The following NBPF15 variants were observed in gnomAD, a reference collection of about 807,000 sequenced individuals.
NBPF15 encodes NBPF family member NBPF15.
NBPF15 carries 74 observed loss-of-function variants against 62.2 expected under a neutral mutation model. That is an observed-to-expected ratio of 1.19 (90% CI 0.99 to 1.44). The LOEUF (loss-of-function observed/expected upper bound fraction) is 1.44, where lower values mean the gene tolerates loss of function less well. NBPF15 is among the 40% of genes most tolerant of loss of function. NBPF15 has a pLI of 0.00. For missense variants in NBPF15, 790 were observed against 550.0 expected, an observed-to-expected ratio of 1.44 and a Z score of -4.36; for synonymous variants, 244 against 209.7, an observed-to-expected ratio of 1.16 and a Z score of -1.41.
At chr1:144,428,984 T>A (rs1672156295) in intron 14 of NBPF15, among the ~76,000 whole-genome samples, 1 of 152,024 alleles carries the variant, frequency 6.6e-6, no homozygotes, top group Non-Finnish European at 1.5e-5. Flanking sequence ...GATACTTCAA[T>A]ATTAAGCTTT....
chr1:144,432,364 G>A (rs1168403661), intron 13 of NBPF15, among the ~76,000 whole-genome samples: 1 of 151,928 alleles, frequency 6.6e-6, no homozygotes, highest in African/African-American at 2.4e-5. Context: ...ATGCCAAACT[G>A]TAAAGACCAT....
intron 6 of NBPF15, among the ~76,000 whole-genome samples, chr1:144,440,776 C>T (rs868926023): frequency 0.027 from 4,082 of 150,622 alleles, 120 homozygotes; most frequent in Middle Eastern, 0.062. Flanking sequence ...CCTCAGACTC[C>T]CAAGTAGTTG....
At chr1:144,445,352 T>TAC (rs1377649662) in intron 6 of NBPF15, among the ~76,000 whole-genome samples, 47 of 115,148 alleles carry the variant, frequency 4.1e-4, no homozygotes, top group Middle Eastern at 4.9e-3. Context: ...TATATATATA[T>TAC]ATACACACAC....
At chr1:144,449,766 G>A (rs587741552) in intron 5 of NBPF15, among the ~76,000 whole-genome samples, 1 of 151,448 alleles carries the variant, frequency 6.6e-6, no homozygotes, top group Non-Finnish European at 1.5e-5. Context: ...TCCCCTCCAT[G>A]TTCCCTCATT....
intron 6 of NBPF15, among the ~76,000 whole-genome samples, chr1:144,445,910 G>A (rs1458344505): frequency 3.7e-4 from 51 of 138,698 alleles, no homozygotes; most frequent in African/African-American, 1.4e-3. Context: ...AGGCTGGAGT[G>A]CAGTGATGCG....
intron 14 of NBPF15, among the ~76,000 whole-genome samples, chr1:144,429,088 G>T (rs1239118587): frequency 6.6e-6 from 1 of 151,906 alleles, no homozygotes. Flanking sequence ...GAGTCAAAAT[G>T]AAACTTGGTT....
At chr1:144,450,978 C>A (rs1690714675) in intron 4 of NBPF15, 108 bp from the exon 5 acceptor site, 1 of 152,666 alleles carries the variant, frequency 6.6e-6, no homozygotes, top group Non-Finnish European at 1.5e-5. Flanking sequence ...GACACAGAGA[C>A]AAAGTACAGA....
At chr1:144,432,333 G>A (rs1264066467) in intron 13 of NBPF15, among the ~76,000 whole-genome samples, 3 of 151,876 alleles carry the variant, frequency 2.0e-5, no homozygotes, top group East Asian at 3.9e-4. Flanking sequence ...AGGAACAACC[G>A]GTACCAGCCA....
chr1:144,433,118 C>T (rs4950628), intron 13 of NBPF15, among the ~76,000 whole-genome samples: 2 of 152,012 alleles, frequency 1.3e-5, no homozygotes, highest in South Asian at 2.1e-4. Context: ...ACCACAGTGC[C>T]ATCAAATTAG....
intron 10 of NBPF15, among the ~76,000 whole-genome samples, chr1:144,436,201 C>G (rs1678188264): frequency 6.6e-6 from 1 of 152,208 alleles, no homozygotes; most frequent in African/African-American, 2.4e-5. Flanking sequence ...TCACAGTTTG[C>G]ATTTCAAACC....
intron 10 of NBPF15, among the ~76,000 whole-genome samples, chr1:144,436,316 A>G (rs2102045870): frequency 6.6e-6 from 1 of 152,112 alleles, no homozygotes; most frequent in East Asian, 1.9e-4. Flanking sequence ...GGGACATTCT[A>G]TCCATGGGGA....
At chr1:144,427,716 G>C in intron 16 of NBPF15, 102 bp downstream of exon 16, 1 of 613,850 alleles carries the variant, frequency 1.6e-6, no homozygotes, top group East Asian at 2.7e-5. Flanking sequence ...CCTCCCTGTG[G>C]CAATGACATC....
chr1:144,451,915 G>C (rs1200346367), intron 4 of NBPF15, among the ~76,000 whole-genome samples: 3 of 151,748 alleles, frequency 2.0e-5, no homozygotes, highest in Admixed American at 1.3e-4. Flanking sequence ...ACTTTGAGAG[G>C]CCAAGGCAGG....
chr1:144,450,335 G>T (rs1396993276), intron 5 of NBPF15, among the ~76,000 whole-genome samples: 1 of 149,990 alleles, frequency 6.7e-6, no homozygotes. Context: ...GACTCCATGA[G>T]TTGTTATTGG....
At chr1:144,436,582 C>T (rs9438316) in intron 10 of NBPF15, among the ~76,000 whole-genome samples, 2 of 151,912 alleles carry the variant, frequency 1.3e-5, no homozygotes, top group African/African-American at 4.8e-5. Flanking sequence ...CATTCTTAGT[C>T]CAGAGCTCTT....
In NBPF15 at chr1:144,428,008, A is replaced by G. The variant is rs1305198853; in HGVS notation, c.1041-18T>C. 7 of 754,038 alleles carry G rather than the reference A, an allele frequency of 9.3e-6. No homozygotes were observed. Among genetic ancestry groups the G allele is most frequent in the African/African-American group, 8.6e-5 (5 of 58,472 alleles). 46.7% of individuals were successfully genotyped at this position (754,038 alleles called of 1,614,324 possible). A position where few individuals can be genotyped will look rare whatever the true frequency, so the allele number is the denominator to read the frequency against. ...TGCTGAGCCTGGAAAAGTGGGAAAA[A>G]GTAAAGAATAAGCCAGGGGGAATCA... is the stretch of plus-strand genomic sequence containing the variant. On this transcript the variant is annotated intron_variant, in intron 15 of 21. Transcript: ENST00000581897.
intron 15 of NBPF15, 127 bp downstream of exon 15, chr1:144,428,479 G>C: frequency 2.3e-6 from 2 of 878,920 alleles, no homozygotes; most frequent in Non-Finnish European, 3.8e-6. Flanking sequence ...AAAAAGCAAT[G>C]TAGTAGGCAT....
rs1338770431 is a variant in NBPF15 at position 144,441,405 on chromosome 1, T to C, written c.-190-1110A>G. ...TAAAATTTGGTTTTCTCATGCCTAA[T>C]GTTCATTTAGATATCTTCTTATGGA... On this transcript the variant is annotated intron_variant, in intron 6 of 21. Coordinates refer to ENST00000581897, the MANE Select transcript of NBPF15 (RefSeq NM_001385408.1). Among the ~76,000 whole-genome samples the C allele has an allele frequency of 7.2e-5, 11 of 151,870 alleles. No homozygotes were observed. The East Asian group carries it at 2.1e-3, about 29-fold the overall frequency.
intron 8 of NBPF15, among the ~76,000 whole-genome samples, chr1:144,438,334 C>A (rs1344510297): frequency 2.0e-5 from 3 of 151,454 alleles, no homozygotes; most frequent in Non-Finnish European, 4.4e-5. Context: ...TGAGGTCTGA[C>A]TCTGAATGCG....
Sources: gnomAD v4.1 joint callset for allele counts (sites outside exome capture counted in the v4.1 genomes callset) on GRCh38, gnomAD v4.1.1 for gene constraint, MANE v1.5 for transcripts, NCBI Gene and HGNC (gene_info 2026-07-23, HGNC 2026-07-21) for gene names.